The following ST6GALNAC5 variants were observed in gnomAD, a reference collection of about 807,000 sequenced individuals.
ST6GALNAC5 encodes the protein ST6 N-acetylgalactosaminide alpha-2,6-sialyltransferase 5.
Under a neutral mutation model 33.6 loss-of-function variants are expected in ST6GALNAC5, and 27 were observed. The ratio of observed to expected loss-of-function variants is 0.80; its 90% CI spans 0.59 to 1.11. ST6GALNAC5 has a LOEUF of 1.11. ST6GALNAC5 is among the 50% of genes least tolerant of loss of function. The pLI, the probability that ST6GALNAC5 is intolerant of heterozygous loss-of-function variation, is 0.00. For missense variants in ST6GALNAC5, 428 were observed against 454.0 expected, an observed-to-expected ratio of 0.94 and a Z score of 0.52; for synonymous variants, 194 against 171.2, an observed-to-expected ratio of 1.13 and a Z score of -1.04.
intron 2 of ST6GALNAC5, among the ~76,000 whole-genome samples, chr1:77,029,779 A>G (rs999381624): frequency 1.3e-5 from 2 of 152,376 alleles, no homozygotes; most frequent in East Asian, 1.9e-4. Flanking sequence ...TTTTACGAGC[A>G]AATGAGGCTT....
At chr1:76,897,150 A>G (rs904905207) in intron 2 of ST6GALNAC5, among the ~76,000 whole-genome samples, 1 of 152,174 alleles carries the variant, frequency 6.6e-6, no homozygotes, top group African/African-American at 2.4e-5. Context: ...GCGGCAGTAC[A>G]GCCTAGGTAA....
chr1:76,872,443 A>T (rs182504134), intron 2 of ST6GALNAC5, among the ~76,000 whole-genome samples: 7 of 152,312 alleles, frequency 4.6e-5, no homozygotes, highest in African/African-American at 1.2e-4. Flanking sequence ...TACACATACC[A>T]ATAACATACT....
Position 76,911,842 on chromosome 1 carries a change from T to G in ST6GALNAC5, c.261+43100T>G, listed in dbSNP as rs138571943. Among the ~76,000 whole-genome samples, 1,474 of 152,304 alleles carry G rather than the reference T, an allele frequency of 9.7e-3. 20 individuals carry two copies. Among genetic ancestry groups the G allele is most frequent in the African/African-American group, 0.034 (1,413 of 41,554 alleles). On this transcript the variant is annotated intron_variant, in intron 2 of 4. Coordinates refer to ENST00000477717, the MANE Select transcript of ST6GALNAC5 (RefSeq NM_030965.3). ...TTTTCTTTATTAGTCTTGCTAGCGG[T>G]CTATCAATTCTGTTGCTCCTTTCAA...
chr1:76,918,644 G>GGCTC (rs1280454410), intron 2 of ST6GALNAC5, among the ~76,000 whole-genome samples: 1 of 147,086 alleles, frequency 6.8e-6, no homozygotes, highest in Non-Finnish European at 1.5e-5. Context: ...AAAAGAATGA[G>GGCTC]GCTCCAAGAT....
intron 2 of ST6GALNAC5, among the ~76,000 whole-genome samples, chr1:76,966,329 G>A (rs572473004): frequency 1.3e-5 from 2 of 152,266 alleles, no homozygotes; most frequent in African/African-American, 4.8e-5. Context: ...TCCCTTGTAA[G>A]TTGGATTTCT....
chr1:76,870,314 A>G (rs537309748), intron 2 of ST6GALNAC5, among the ~76,000 whole-genome samples: 2 of 152,334 alleles, frequency 1.3e-5, no homozygotes, highest in East Asian at 1.9e-4. Context: ...TGATGGATAT[A>G]CTGAGATCAT....
At chr1:76,884,673 G>A (rs1311189879) in intron 2 of ST6GALNAC5, among the ~76,000 whole-genome samples, 2 of 152,162 alleles carry the variant, frequency 1.3e-5, no homozygotes, top group Admixed American at 1.3e-4. Flanking sequence ...GTCTCTTTCT[G>A]GCTATATGGA....
chr1:76,914,300 A>G (rs2100286253), intron 2 of ST6GALNAC5, among the ~76,000 whole-genome samples: 1 of 152,290 alleles, frequency 6.6e-6, no homozygotes, highest in South Asian at 2.1e-4. Context: ...CATCCCCATC[A>G]AGCTACCAAT....
At position 76,945,265 on chromosome 1, in the gene ST6GALNAC5, G is replaced by T. The variant is rs144666231; in HGVS notation, c.261+76523G>T. Among the ~76,000 whole-genome samples the T allele has an allele frequency of 1.2e-3, 184 of 151,010 alleles. 3 individuals are homozygous for T. The highest frequency in any genetic ancestry group is 4.3e-3 in the African/African-American group (175 of 41,114). On this transcript the variant is annotated intron_variant, in intron 2 of 4. Coordinates refer to ENST00000477717, the MANE Select transcript of ST6GALNAC5 (RefSeq NM_030965.3). ...ATTTCATGCTTGAGGTGATATTTGT[G>T]GGAGAAAAAAAAAAGGAAGATTAAA...
At chr1:76,919,636 C>G (rs963192032) in intron 2 of ST6GALNAC5, among the ~76,000 whole-genome samples, 1 of 152,186 alleles carries the variant, frequency 6.6e-6, no homozygotes, top group Non-Finnish European at 1.5e-5. Context: ...ATTAATTCAT[C>G]TTAACATCCC....
At chr1:76,990,910 G>C (rs1037365202) in intron 2 of ST6GALNAC5, among the ~76,000 whole-genome samples, 10 of 152,150 alleles carry the variant, frequency 6.6e-5, no homozygotes, top group Non-Finnish European at 1.0e-4. Flanking sequence ...ACCTGGAGGG[G>C]CTAAATGGCA....
At chr1:76,931,287 C>A (rs1647138374) in intron 2 of ST6GALNAC5, among the ~76,000 whole-genome samples, 1 of 152,134 alleles carries the variant, frequency 6.6e-6, no homozygotes, top group Non-Finnish European at 1.5e-5. Flanking sequence ...CCTGCCAACA[C>A]CTTCATTTCA....
At chr1:77,021,028 CCA>C (rs1161844926) in intron 2 of ST6GALNAC5, among the ~76,000 whole-genome samples, 1 of 152,184 alleles carries the variant, frequency 6.6e-6, no homozygotes, top group Non-Finnish European at 1.5e-5. Flanking sequence ...GCCACAGAAG[CCA>C]CACAGTGACA....
intron 2 of ST6GALNAC5, among the ~76,000 whole-genome samples, chr1:77,014,743 C>A (rs1650761006): frequency 6.6e-6 from 1 of 152,082 alleles, no homozygotes; most frequent in Non-Finnish European, 1.5e-5. Flanking sequence ...ACACTGGGAC[C>A]TGATAAAAGC....
At chr1:77,022,189 T>C (rs999949784) in intron 2 of ST6GALNAC5, among the ~76,000 whole-genome samples, 9 of 152,204 alleles carry the variant, frequency 5.9e-5, no homozygotes, top group African/African-American at 2.2e-4. Flanking sequence ...TTAAGGAGGT[T>C]GCGAACACCT....
chr1:76,902,886 AAGC>A (rs1387604188), intron 2 of ST6GALNAC5, among the ~76,000 whole-genome samples: 1 of 152,254 alleles, frequency 6.6e-6, no homozygotes, highest in East Asian at 1.9e-4. Context: ...AATTAACTCA[AAGC>A]AGATCAAAGA....
chr1:76,995,629 G>A (rs1368187413), intron 2 of ST6GALNAC5: 6 of 151,786 alleles, frequency 4.0e-5, no homozygotes, highest in African/African-American at 1.5e-4. Context: ...AATTATTTGT[G>A]TGTTATATAT....
chr1:77,038,679 G>C (rs1325086430), intron 2 of ST6GALNAC5, among the ~76,000 whole-genome samples: 3 of 152,244 alleles, frequency 2.0e-5, no homozygotes. Context: ...AGAGCAGTCA[G>C]CCAGGTCACA....
intron 2 of ST6GALNAC5, among the ~76,000 whole-genome samples, chr1:76,950,981 C>CAA (rs374447243): frequency 4.9e-5 from 7 of 143,250 alleles, no homozygotes; most frequent in African/African-American, 1.8e-4. Flanking sequence ...TTTGTTACAC[C>CAA]AAAAAAAAAA....
Sources: gnomAD v4.1 joint callset for allele counts (sites outside exome capture counted in the v4.1 genomes callset) on GRCh38, gnomAD v4.1.1 for gene constraint, MANE v1.5 for transcripts, NCBI Gene and HGNC (gene_info 2026-07-23, HGNC 2026-07-21) for gene names.